Variants in TPRG1 observed in about 807,000 individuals in gnomAD.
TPRG1 encodes the protein tumor protein p63-regulated gene 1 protein.
Under a neutral mutation model 29.3 loss-of-function variants are expected in TPRG1, and 29 were observed. The observed-to-expected ratio is 0.99, with a 90% CI of 0.74 to 1.35. The LOEUF is 1.35. TPRG1 is among the 40% of genes most tolerant of loss of function. The pLI is 0.00. For missense variants in TPRG1, 327 were observed against 335.0 expected, an observed-to-expected ratio of 0.98 and a Z score of 0.19; for synonymous variants, 130 against 116.8, an observed-to-expected ratio of 1.11 and a Z score of -0.73.
intron 4 of TPRG1, among the ~76,000 whole-genome samples, chr3:189,091,660 TAAC>T (rs915476844): frequency 1.3e-5 from 2 of 152,184 alleles, no homozygotes; most frequent in African/African-American, 4.8e-5. Context: ...CTCCCCTGAA[TAAC>T]AACTTCAGTA....
chr3:189,309,000 ATTC>A (rs1195064034), intron 4 of TPRG1, among the ~76,000 whole-genome samples: 4 of 147,422 alleles, frequency 2.7e-5, no homozygotes, highest in Admixed American at 6.7e-5. Flanking sequence ...CTATTTTTCT[ATTC>A]TTCTCAATAT....
chr3:189,289,074 G>C (rs900257167), intron 4 of TPRG1, among the ~76,000 whole-genome samples: 3 of 152,204 alleles, frequency 2.0e-5, no homozygotes, highest in Non-Finnish European at 4.4e-5. Flanking sequence ...CCTTTAGCTT[G>C]TCTGATTGCT....
At chr3:189,116,447 G>C (rs1234663744) in intron 1 of TPRG1, among the ~76,000 whole-genome samples, 1 of 152,142 alleles carries the variant, frequency 6.6e-6, no homozygotes, top group East Asian at 1.9e-4. Context: ...AAAGTGCTGG[G>C]ATTACAGACA....
intron 1 of TPRG1, among the ~76,000 whole-genome samples, chr3:189,114,402 C>G (rs183849168): frequency 6.6e-6 from 1 of 152,098 alleles, no homozygotes; most frequent in Non-Finnish European, 1.5e-5. Context: ...CCTGCCTCAG[C>G]CTCCCAAGTA....
chr3:189,295,919 A>AG (rs1012217119), intron 4 of TPRG1, among the ~76,000 whole-genome samples: 1 of 100,220 alleles, frequency 1.0e-5, no homozygotes, highest in Non-Finnish European at 2.1e-5. Flanking sequence ...GCTTTAAAAA[A>AG]AAAAAAAAAA....
At chr3:189,005,500 A>G (rs1281904717) in intron 3 of TPRG1, among the ~76,000 whole-genome samples, 1 of 152,152 alleles carries the variant, frequency 6.6e-6, no homozygotes, top group Non-Finnish European at 1.5e-5. Flanking sequence ...ATTTTTATTG[A>G]GGACTTAGCC....
chr3:189,260,706 G>A (rs1200770554), intron 4 of TPRG1, among the ~76,000 whole-genome samples: 1 of 152,236 alleles, frequency 6.6e-6, no homozygotes, highest in Non-Finnish European at 1.5e-5. Context: ...CCATGCTGCA[G>A]AAGCCAGGTC....
intron 3 of TPRG1, among the ~76,000 whole-genome samples, chr3:189,223,197 A>G (rs1737197483): frequency 6.6e-6 from 1 of 152,290 alleles, no homozygotes; most frequent in Non-Finnish European, 1.5e-5. Flanking sequence ...GTTCTGATCA[A>G]GTAATCCACT....
chr3:189,208,452 T>C (rs1478950454), intron 2 of TPRG1, among the ~76,000 whole-genome samples: 1 of 152,184 alleles, frequency 6.6e-6, no homozygotes, highest in African/African-American at 2.4e-5. Flanking sequence ...CTCATTCTCA[T>C]AAAAAATTGG....
rs763073153 is a variant in TPRG1 at position 189,207,419 on chromosome 3, C to T, written c.35C>T (p.Ala12Val). ...STIGSFEGFQ[A>V]VSLKQEGDDQ... ...ATTGGGAGTTTTGAAGGATTCCAGG[C>T]TGTGTCTCTGAAGCAAGAGGGAGAT... Residue 12 changes from alanine to valine, a missense_variant, in exon 2 of 6, where the codon GCT becomes GTT. Physicochemically the swap from Ala to Val is moderately conservative, Grantham distance 64. Coordinates refer to ENST00000345063, the MANE Select transcript of TPRG1 (RefSeq NM_198485.4). 6.2e-7 allele frequency: 1 copy of T among 1,614,020 alleles called. No individual in the cohort carries two copies. Among genetic ancestry groups the T allele is most frequent in the Admixed American group, 1.7e-5 (1 of 60,002 alleles).
intron 1 of TPRG1, among the ~76,000 whole-genome samples, chr3:189,185,519 C>T (rs1277193075): frequency 6.6e-6 from 1 of 152,170 alleles, no homozygotes; most frequent in Non-Finnish European, 1.5e-5. Flanking sequence ...AGCCACTGCA[C>T]CCAGCCTGGC....
intron 1 of TPRG1, among the ~76,000 whole-genome samples, chr3:189,189,385 A>G (rs9860124): frequency 3.7e-4 from 56 of 151,672 alleles, no homozygotes; most frequent in Non-Finnish European, 6.3e-4. Context: ...ATAGTTGTCA[A>G]TTGGTTATAT....
chr3:189,074,686 T>C (rs1463860327), intron 4 of TPRG1, among the ~76,000 whole-genome samples: 1 of 152,238 alleles, frequency 6.6e-6, no homozygotes, highest in Admixed American at 6.5e-5. Context: ...TATTTATTGA[T>C]CTTATTGTTA....
chr3:189,132,059 C>G (rs1723166227), intron 2 of TPRG1, among the ~76,000 whole-genome samples: 1 of 152,170 alleles, frequency 6.6e-6, no homozygotes, highest in Non-Finnish European at 1.5e-5. Flanking sequence ...CTCTCTGGCT[C>G]TGATAGTGCA....
chr3:189,098,199 C>T (rs1349655733), upstream of TPRG1, among the ~76,000 whole-genome samples: 1 of 151,292 alleles, frequency 6.6e-6, no homozygotes, highest in Admixed American at 6.6e-5. Context: ...CTAGAGGAAA[C>T]AATGTTTGAA....
At chr3:189,156,460 T>A (rs1262083211) in intron 5 of TPRG1, among the ~76,000 whole-genome samples, 1 of 152,164 alleles carries the variant, frequency 6.6e-6, no homozygotes, top group Non-Finnish European at 1.5e-5. Context: ...GAGTCAGTGA[T>A]GTTTACCCAT....
At chr3:189,311,185 G>A (rs1292274208) in intron 5 of TPRG1, among the ~76,000 whole-genome samples, 2 of 152,156 alleles carry the variant, frequency 1.3e-5, no homozygotes, top group Non-Finnish European at 2.9e-5. Context: ...GGCATTCTAA[G>A]TAGTCAAGAA....
intron 1 of TPRG1, among the ~76,000 whole-genome samples, chr3:189,193,571 C>A (rs1022414176): frequency 2.6e-5 from 4 of 151,724 alleles, no homozygotes; most frequent in East Asian, 3.9e-4. Context: ...TTAATAGTGT[C>A]CATAAGTCTT....
At chr3:189,277,917 A>G (rs1420848794) in intron 4 of TPRG1, among the ~76,000 whole-genome samples, 5 of 152,168 alleles carry the variant, frequency 3.3e-5, no homozygotes, top group African/African-American at 1.2e-4. Flanking sequence ...GCTGTTACAA[A>G]CTTCTGTTTT....
Sources: gnomAD v4.1 joint callset for allele counts (sites outside exome capture counted in the v4.1 genomes callset) on GRCh38, gnomAD v4.1.1 for gene constraint, MANE v1.5 for transcripts, NCBI Gene and HGNC (gene_info 2026-07-23, HGNC 2026-07-21) for gene names.